Variants in CRTC2 observed in about 807,000 individuals in gnomAD.
The protein encoded by CRTC2 is CREB-regulated transcription coactivator 2.
A neutral mutation model predicts 70.9 loss-of-function variants in CRTC2; 25 were observed. The observed-to-expected ratio is 0.35, with a 90% CI of 0.26 to 0.49. The LOEUF (loss-of-function observed/expected upper bound fraction) is 0.49, where lower values mean the gene tolerates loss of function less well. CRTC2 is among the 20% of genes least tolerant of loss of function. The pLI is 0.98. For synonymous variants in CRTC2, 330 were observed against 364.1 expected (o/e 0.91, Z 1.07); for missense variants, 737 against 882.6 (o/e 0.83, Z 2.09).
chr1:153,952,007 C>G lies in CRTC2; in HGVS notation c.997+11G>C. On this transcript the variant is annotated intron_variant, in intron 10 of 13. Transcript: ENST00000368633. ...GCACCCAGTGGGCACATGGCCAGGA[C>G]AGTCACTCACCTGGTGCATCATAGC... 1 of 1,610,220 alleles carries G rather than the reference C, an allele frequency of 6.2e-7. No individual in the cohort carries two copies. Among genetic ancestry groups the G allele is most frequent in the Admixed American group, 1.7e-5 (1 of 59,824 alleles).
At position 153,954,999 on chromosome 1, in the gene CRTC2, AG is replaced by A; in HGVS notation, c.256-11del. ...GTGAGTGGAGGGGGCTCTGCCAAAA[AG>A]GACAGAAGTCAGCAGAGGAAGCAGC... On this transcript the variant is annotated splice_polypyrimidine_tract_variant and intron_variant, in intron 2 of 13. Coordinates refer to ENST00000368633, the MANE Select transcript of CRTC2 (RefSeq NM_181715.3). The A allele has an allele frequency of 6.2e-7, 1 of 1,613,032 alleles. No homozygotes were observed. The highest frequency in any genetic ancestry group is 8.5e-7 in the Non-Finnish European group (1 of 1,179,030).
In CRTC2 at chr1:153,947,996, G is replaced by C; in HGVS notation, c.*113C>G. 9.4e-7 allele frequency: 1 copy of C among 1,064,988 alleles called. No homozygotes were observed. The highest frequency in any genetic ancestry group is 2.0e-5 in the Admixed American group (1 of 48,916). 66.0% of individuals were successfully genotyped at this position (1,064,988 alleles called of 1,614,324 possible). A position where few individuals can be genotyped will look rare whatever the true frequency, so the allele number is the denominator to read the frequency against. On this transcript the variant is annotated 3_prime_UTR_variant, in exon 14 of 14. Coordinates refer to ENST00000368633, the MANE Select transcript of CRTC2 (RefSeq NM_181715.3). ...CTCATTCTTGGCATCCTTCATTCATGCTAGAAAGAGGATCTGGGGACAGAG... is the reference window on the plus strand; with the variant it reads ...CTCATTCTTGGCATCCTTCATTCATCCTAGAAAGAGGATCTGGGGACAGAG...
Position 153,947,808 on chromosome 1 carries a change from A to G in CRTC2, c.*301T>C, listed in dbSNP as rs1204733021. On this transcript the variant is annotated 3_prime_UTR_variant, in exon 14 of 14. Coordinates refer to ENST00000368633, the MANE Select transcript of CRTC2 (RefSeq NM_181715.3). Reference sequence around the variant, plus strand: ...ACTGCCCACCCCTAGGCATCCGGAAAAGCCCTGCTTCCAGGGCTCCCCTCT... The same window carrying G: ...ACTGCCCACCCCTAGGCATCCGGAAGAGCCCTGCTTCCAGGGCTCCCCTCT... 4.6e-6 allele frequency: 2 copies of G among 434,450 alleles called. No individual in the cohort carries two copies. Among genetic ancestry groups the G allele is most frequent in the African/African-American group, 4.0e-5 (2 of 50,016 alleles). The allele number at this position is 434,450 out of a possible 1,614,324, so 26.9% of individuals were successfully genotyped here. A position where few individuals can be genotyped will look rare whatever the true frequency, so the allele number is the denominator to read the frequency against.
intron 12 of CRTC2, chr1:153,948,873 G>A (rs922073915): frequency 1.2e-5 from 9 of 742,936 alleles, no homozygotes; most frequent in African/African-American, 8.6e-5. Flanking sequence ...AAGAGAACGG[G>A]TCAAGGCAGA....
At chr1:153,957,082 G>GT (rs1680655377) in intron 1 of CRTC2, among the ~76,000 whole-genome samples, 1 of 152,096 alleles carries the variant, frequency 6.6e-6, no homozygotes. Context: ...GTTACAGTGG[G>GT]TTATGCACAC....
intron 12 of CRTC2, 173 bp downstream of exon 12, chr1:153,948,941 GA>G: frequency 2.6e-6 from 2 of 783,816 alleles, no homozygotes; most frequent in Non-Finnish European, 4.4e-6. Flanking sequence ...TCAAACGCAG[GA>G]AGAGAGGAGC....
At chr1:153,949,407 A>G (rs1176253141) in intron 11 of CRTC2, 23 bp from the exon 12 acceptor site, 1 of 1,586,628 alleles carries the variant, frequency 6.3e-7, no homozygotes, top group Non-Finnish European at 8.6e-7. Context: ...AAAAAGAGGG[A>G]AGCTTACTGC....
At chr1:153,953,710 G>A in intron 4 of CRTC2, 104 bp from the exon 5 acceptor site, 3 of 689,544 alleles carry the variant, frequency 4.4e-6, no homozygotes, top group Non-Finnish European at 7.4e-6. Flanking sequence ...AGTAAAGATG[G>A]CTGAGCACCC....
Position 153,949,322 on chromosome 1 carries a change from G to C in CRTC2, c.1467C>G (p.Ser489Arg), listed in dbSNP as rs963350104. The change falls in exon 12 of 14, where the codon AGC becomes AGG. Residue 489 changes from serine to arginine, a missense_variant. By Grantham distance (110) the Ser-to-Arg change is moderately radical. Transcript: ENST00000368633. ...GGGTAGGCAGAACCAGACTTGGGGAGCTGTATGGGTATGGGGGTAACCGCT... is the reference window on the plus strand; with the variant it reads ...GGGTAGGCAGAACCAGACTTGGGGACCTGTATGGGTATGGGGGTAACCGCT... The part of the protein sequence containing the change: ...TDQRLPPYPY[S>R]SPSLVLPTQP... The C allele has an allele frequency of 1.2e-6, 2 of 1,614,012 alleles. No individual in the cohort carries two copies. The highest frequency in any genetic ancestry group is 1.7e-6 in the Non-Finnish European group (2 of 1,180,006).
In CRTC2 at chr1:153,956,489, T is replaced by C. The variant is rs140994004; in HGVS notation, c.154-1323A>G. 2.9e-3 allele frequency among the ~76,000 whole-genome samples: 444 copies of C among 152,310 alleles called. 3 individuals are homozygous for C. The highest frequency in any genetic ancestry group is 0.01 in the African/African-American group (430 of 41,580). On this transcript the variant is annotated intron_variant, in intron 1 of 13. Coordinates refer to ENST00000368633, the MANE Select transcript of CRTC2 (RefSeq NM_181715.3). ...GCAAGGCCATGGGGAGGAGGGCAGCTGAGGAGGGGCAAGTTCTAAGAGCTT... is the reference window on the plus strand; with the variant it reads ...GCAAGGCCATGGGGAGGAGGGCAGCCGAGGAGGGGCAAGTTCTAAGAGCTT...
rs567174690 is a variant in CRTC2, at chr1:153,949,968, T to C, written c.1405-584A>G. ...TTTTTTGAGACAGGGCCTCACTCTG[T>C]TGCCCAGGCTGGAGTACAGTGGTGC... On this transcript the variant is annotated intron_variant, in intron 11 of 13. Coordinates refer to ENST00000368633, the MANE Select transcript of CRTC2 (RefSeq NM_181715.3). 2.0e-5 allele frequency among the ~76,000 whole-genome samples: 3 copies of C among 152,358 alleles called. No homozygotes were observed. In the South Asian group the frequency reaches 6.2e-4, roughly 32 times the overall value.
chr1:153,948,928 G>C, intron 12 of CRTC2, 187 bp downstream of exon 12: 1 of 757,208 alleles, frequency 1.3e-6, no homozygotes, highest in Non-Finnish European at 2.3e-6. Flanking sequence ...GGCAGGAGTA[G>C]GGTCAAACGC....
intron 6 of CRTC2, 152 bp from the exon 7 acceptor site, chr1:153,952,986 A>G (rs1260512732): frequency 2.2e-6 from 2 of 921,752 alleles, no homozygotes; most frequent in African/African-American, 1.6e-5. Flanking sequence ...GTTCAAGACC[A>G]GCCTGGCCAA....
rs774863416 is a variant in CRTC2 at position 153,954,259 on chromosome 1, G to A, written c.430C>T (p.Arg144Ter). ...YLSPPPESSWRRTMAWGNFPA... is the reference protein window; with the variant it reads ...YLSPPPESSW The stretch of plus-strand genomic sequence containing the variant: ...CTGCCCGCCCTGGACACTTACCTTC[G>A]CCAGCTAGACTCTGGGGGAGGAGAT... The change falls in exon 4 of 14, where the codon CGA becomes TGA. Residue 144 changes from arginine (R) to a stop codon, truncating the protein, a stop_gained. Coordinates refer to ENST00000368633, the MANE Select transcript of CRTC2 (RefSeq NM_181715.3). LOFTEE classifies it high-confidence loss of function. The A allele has an allele frequency of 6.2e-7, 1 of 1,611,242 alleles. No homozygotes were observed. Among genetic ancestry groups the A allele is most frequent in the Non-Finnish European group, 8.5e-7 (1 of 1,178,154 alleles).
At chr1:153,958,312 G>A in intron 1 of CRTC2, 33 bp downstream of exon 1, 2 of 1,603,972 alleles carry the variant, frequency 1.2e-6, no homozygotes, top group Non-Finnish European at 1.7e-6. Context: ...TAACTGCTCA[G>A]CTCTGCTCCG....
chr1:153,957,470 C>A (rs930318873), intron 1 of CRTC2, among the ~76,000 whole-genome samples: 3 of 152,154 alleles, frequency 2.0e-5, no homozygotes, highest in Non-Finnish European at 2.9e-5. Context: ...ACCCCTTGGT[C>A]CCTCTGACCT....
intron 4 of CRTC2, 74 bp from the exon 5 acceptor site, chr1:153,953,680 T>C (rs1680477431): frequency 3.0e-6 from 3 of 1,016,450 alleles, no homozygotes; most frequent in East Asian, 2.6e-5. Context: ...GGTTGGAAAA[T>C]GTGGGGCAGC....
chr1:153,955,733 A>G (rs1310470932), intron 1 of CRTC2, among the ~76,000 whole-genome samples: 2 of 151,652 alleles, frequency 1.3e-5, no homozygotes, highest in African/African-American at 4.8e-5. Flanking sequence ...CAGAAAAAAA[A>G]GGCCAGTGTT....
chr1:153,956,655 T>A (rs1290781022), intron 1 of CRTC2, among the ~76,000 whole-genome samples: 1 of 152,154 alleles, frequency 6.6e-6, no homozygotes, highest in East Asian at 1.9e-4. Context: ...AGTATCTCAG[T>A]GGTATAGCCT....
Sources: allele counts gnomAD v4.1 joint callset (sites outside exome capture counted in the v4.1 genomes callset), GRCh38; gene constraint gnomAD v4.1.1; transcripts MANE v1.5; gene names NCBI Gene and HGNC (gene_info 2026-07-23, HGNC 2026-07-21).